Variants in ZFHX3 observed in about 807,000 individuals in gnomAD.
ZFHX3 encodes the protein zinc finger homeobox 3, also known as zinc finger homeobox protein 3.
A neutral mutation model predicts 279.1 loss-of-function variants in ZFHX3; 42 were observed. The ratio of observed to expected loss-of-function variants is 0.15; its 90% confidence interval spans 0.12 to 0.19. The LOEUF is 0.19. Ranked by LOEUF, ZFHX3 falls within the 10% of genes least tolerant of loss-of-function variation. The pLI is 1.00. For missense variants in ZFHX3, 4,981 were observed against 4,754.0 expected (o/e 1.05, Z -1.40); for synonymous variants, 2,293 against 1,957.8 (o/e 1.17, Z -4.52).
intron 1 of ZFHX3, among the ~76,000 whole-genome samples, chr16:73,810,432 C>T (rs1014157599): frequency 6.6e-6 from 1 of 152,084 alleles, no homozygotes; most frequent in Non-Finnish European, 1.5e-5. Context: ...CCTAGATAAC[C>T]TCTAAGGGTT....
At chr16:73,154,338 G>T (rs1004395839) in intron 5 of ZFHX3, among the ~76,000 whole-genome samples, 1 of 152,144 alleles carries the variant, frequency 6.6e-6, no homozygotes, top group African/African-American at 2.4e-5. Context: ...GAGAGATCAT[G>T]TCTCCCATCT....
At chr16:73,712,785 G>T (rs187620112) in intron 1 of ZFHX3, among the ~76,000 whole-genome samples, 2 of 152,312 alleles carry the variant, frequency 1.3e-5, no homozygotes, top group Non-Finnish European at 2.9e-5. Flanking sequence ...CACCGTAAGA[G>T]GGGGGATATA....
At chr16:73,361,368 C>T (rs1045360704) in intron 3 of ZFHX3, among the ~76,000 whole-genome samples, 3 of 152,240 alleles carry the variant, frequency 2.0e-5, no homozygotes, top group Non-Finnish European at 4.4e-5. Context: ...TGCAAAGATG[C>T]TTTGGCTTGA....
chr16:73,406,550 A>G (rs12918818), intron 3 of ZFHX3, among the ~76,000 whole-genome samples: 63,276 of 152,120 alleles, frequency 0.42, 14,042 homozygotes, highest in African/African-American at 0.57. Flanking sequence ...TCCAGGCTCA[A>G]CAATTCGTAT....
At chr16:73,119,978 C>T (rs149030647) in intron 7 of ZFHX3, among the ~76,000 whole-genome samples, 2 of 152,336 alleles carry the variant, frequency 1.3e-5, no homozygotes, top group African/African-American at 4.8e-5. Context: ...TGCAGAGCCT[C>T]TGTCCCAGGC....
At chr16:73,647,890 T>C (rs1025405519) in intron 2 of ZFHX3, among the ~76,000 whole-genome samples, 4 of 152,030 alleles carry the variant, frequency 2.6e-5, no homozygotes, top group African/African-American at 9.7e-5. Flanking sequence ...GCAAAATCAG[T>C]TTATAGAAAA....
chr16:72,999,522 C>T (rs1208588604), intron 1 of ZFHX3, among the ~76,000 whole-genome samples: 2 of 152,128 alleles, frequency 1.3e-5, no homozygotes, highest in Non-Finnish European at 2.9e-5. Context: ...TCACTATAAG[C>T]AGAAGAAAAA....
intron 5 of ZFHX3, among the ~76,000 whole-genome samples, chr16:73,152,808 G>A (rs1279581725): frequency 2.1e-5 from 3 of 144,432 alleles, no homozygotes; most frequent in African/African-American, 7.6e-5. Context: ...GTGAGGAGGG[G>A]AGAGAAGGGG....
intron 1 of ZFHX3, among the ~76,000 whole-genome samples, chr16:73,721,718 C>T (rs962507132): frequency 1.3e-5 from 2 of 152,134 alleles, no homozygotes; most frequent in Admixed American, 1.3e-4. Context: ...TCTGTTCATG[C>T]CTAAGGGAAA....
chr16:73,445,709 T>G (rs576815973), intron 3 of ZFHX3, among the ~76,000 whole-genome samples: 1 of 152,314 alleles, frequency 6.6e-6, no homozygotes, highest in African/African-American at 2.4e-5. Flanking sequence ...TCTCATTCAT[T>G]GAGAGCTTTG....
chr16:72,867,950 C>T (rs866522115), intron 4 of ZFHX3, among the ~76,000 whole-genome samples: 12 of 152,246 alleles, frequency 7.9e-5, no homozygotes, highest in Middle Eastern at 3.4e-3. Context: ...CACGGGGCTC[C>T]GACAAGATGG....
intron 1 of ZFHX3, among the ~76,000 whole-genome samples, chr16:73,714,881 C>T (rs907681072): frequency 6.6e-6 from 1 of 152,220 alleles, no homozygotes; most frequent in African/African-American, 2.4e-5. Flanking sequence ...ATTAGTCCTG[C>T]TCCCGCTCAT....
intron 5 of ZFHX3, among the ~76,000 whole-genome samples, chr16:73,202,361 T>C (rs2011637349): frequency 2.0e-5 from 3 of 152,118 alleles, no homozygotes; most frequent in Admixed American, 2.0e-4. Context: ...AGAATACCAA[T>C]CAAAAGCCAC....
intron 6 of ZFHX3, chr16:73,143,710 T>C (rs757680998): frequency 1.6e-6 from 2 of 1,289,228 alleles, no homozygotes; most frequent in South Asian, 1.2e-5. Flanking sequence ...TCACCTGGTA[T>C]AACATTTTCT....
chr16:72,971,461 T>G (rs1555535728), intron 1 of ZFHX3, among the ~76,000 whole-genome samples: 2 of 152,336 alleles, frequency 1.3e-5, no homozygotes, highest in Non-Finnish European at 2.9e-5. Context: ...AACTGAGGCT[T>G]AGAGAGTTAA....
At chr16:73,403,321 G>C (rs1472378273) in intron 3 of ZFHX3, among the ~76,000 whole-genome samples, 1 of 152,212 alleles carries the variant, frequency 6.6e-6, no homozygotes, top group Non-Finnish European at 1.5e-5. Context: ...TAGTAACCAA[G>C]ACTGGTCCCG....
exon 8 of ZFHX3, chr16:73,093,588 C>G (rs1316953415): frequency 3.9e-6 from 2 of 512,144 alleles, no homozygotes; most frequent in African/African-American, 3.9e-5. Flanking sequence ...CTTGGGCTAA[C>G]CGGTCGTCTC....
chr16:72,927,026 G>A (rs1959488074), intron 3 of ZFHX3, among the ~76,000 whole-genome samples: 1 of 152,194 alleles, frequency 6.6e-6, no homozygotes, highest in Admixed American at 6.5e-5. Context: ...CAGCATAGGG[G>A]CTTCTCAGCT....
At chr16:73,207,636 G>A (rs1028262506) in intron 5 of ZFHX3, among the ~76,000 whole-genome samples, 13 of 152,116 alleles carry the variant, frequency 8.5e-5, no homozygotes, top group Admixed American at 3.3e-4. Flanking sequence ...CGATATCAGT[G>A]GCCAGCAAAT....
Sources: allele counts gnomAD v4.1 joint callset (sites outside exome capture counted in the v4.1 genomes callset), GRCh38; gene constraint gnomAD v4.1.1; transcripts MANE v1.5; gene names NCBI Gene and HGNC (gene_info 2026-07-23, HGNC 2026-07-21).